Variants in CIB3 observed in about 807,000 individuals in gnomAD.
CIB3 encodes calcium and integrin binding family member 3.
In CIB3, 22 loss-of-function variants were observed where a neutral mutation model predicts 23.4. The observed-to-expected ratio is 0.94, with a 90% CI of 0.67 to 1.34. The LOEUF is 1.34. Ranked by LOEUF, CIB3 falls within the 40% of genes most tolerant of loss-of-function variation. The pLI, the probability that CIB3 is intolerant of heterozygous loss-of-function variation, is 0.00. For missense variants in CIB3, 258 were observed against 247.3 expected (o/e 1.04, Z -0.29); for synonymous variants, 93 against 95.8 (o/e 0.97, Z 0.17).
rs371503690 is a variant in CIB3, at chr19:16,168,336, G to A, written c.199-52C>T. ...CCATCCTCTGACCCCCAAGGTCTCT[G>A]GGGTCCATGTGGTCTCACTATCAGC... On this transcript the variant is annotated intron_variant, in intron 3 of 5. Coordinates refer to ENST00000269878, the MANE Select transcript of CIB3 (RefSeq NM_054113.4). 5 of 1,603,200 alleles carry A rather than the reference G, an allele frequency of 3.1e-6. No homozygotes were observed. In the African/African-American group the frequency reaches 6.7e-5, roughly 21 times the overall value.
intron 4 of CIB3, among the ~76,000 whole-genome samples, chr19:16,167,489 G>T (rs2091310570): frequency 6.6e-6 from 1 of 152,066 alleles, no homozygotes; most frequent in Non-Finnish European, 1.5e-5. Context: ...GTGGGATGGG[G>T]GGATGAATGG....
At chr19:16,168,344 TGTG>T in intron 3 of CIB3, 60 bp from the exon 4 acceptor site, 1 of 1,594,468 alleles carries the variant, frequency 6.3e-7, no homozygotes, top group Non-Finnish European at 8.5e-7. Flanking sequence ...CTGGGGTCCA[TGTG>T]GTCTCACTAT....
intron 2 of CIB3, 109 bp downstream of exon 2, chr19:16,173,053 C>CACAA (rs1166957799): frequency 9.0e-7 from 1 of 1,110,662 alleles, no homozygotes; most frequent in East Asian, 2.4e-5. Flanking sequence ...CACACACACA[C>CACAA]ACACACACAC....
chr19:16,170,122 C>T (rs1242495142), intron 2 of CIB3, among the ~76,000 whole-genome samples: 1 of 152,078 alleles, frequency 6.6e-6, no homozygotes, highest in Non-Finnish European at 1.5e-5. Context: ...TTCACATTCA[C>T]AGCTGCTCAC....
At chr19:16,168,102 C>T (rs746897887) in intron 4 of CIB3, 35 bp downstream of exon 4, 20 of 903,584 alleles carry the variant, frequency 2.2e-5, no homozygotes, top group South Asian at 2.1e-4. Flanking sequence ...CCCACCCCAT[C>T]CCCATGCTTC....
At chr19:16,168,720 G>A (rs2091315994) in intron 3 of CIB3, among the ~76,000 whole-genome samples, 2 of 152,242 alleles carry the variant, frequency 1.3e-5, no homozygotes, top group South Asian at 4.1e-4. Flanking sequence ...AAGAGGTGAG[G>A]CTGCCTTAGA....
At chr19:16,165,625 G>C (rs1412712088) in intron 4 of CIB3, among the ~76,000 whole-genome samples, 1 of 151,914 alleles carries the variant, frequency 6.6e-6, no homozygotes, top group African/African-American at 2.4e-5. Flanking sequence ...TGTGTTTTTA[G>C]TAGAGATGGG....
In CIB3 at chr19:16,173,477, G is replaced by A. The variant is rs78608985; in HGVS notation, c.-2C>T. On this transcript the variant is annotated 5_prime_UTR_variant, in exon 1 of 6. Transcript: ENST00000269878. ...GAAGACTGTCTGCTTGTTGCCCATG[G>A]TGTGAACCACAGCCCAGACTTGGGG... 4 of 1,613,806 alleles carry A rather than the reference G, an allele frequency of 2.5e-6. No homozygotes were observed. The Admixed American group carries it at 5.0e-5, about 20-fold the overall frequency.
At position 16,161,447 on chromosome 19, in the gene CIB3, G is replaced by A. The variant is rs759646559; in HGVS notation, c.*18C>T. 100 of 1,613,800 alleles carry A rather than the reference G, an allele frequency of 6.2e-5. No homozygotes were observed. The highest frequency in any genetic ancestry group is 8.0e-5 in the Non-Finnish European group (94 of 1,179,894). ...GGGTCACCCCGCCCTCCTATAGCTC[G>A]GCTCCTCTGTGGTGCCATCAGATTC... On this transcript the variant is annotated 3_prime_UTR_variant, in exon 6 of 6. Coordinates refer to ENST00000269878, the MANE Select transcript of CIB3 (RefSeq NM_054113.4).
chr19:16,169,826 G>A (rs1041085549), intron 2 of CIB3, 85 bp from the exon 3 acceptor site: 27 of 1,122,910 alleles, frequency 2.4e-5, no homozygotes, highest in Non-Finnish European at 2.5e-6. Context: ...TTGAGACAGA[G>A]TCTCGGTCTG....
chr19:16,166,632 ACT>A (rs2091306787), intron 4 of CIB3, among the ~76,000 whole-genome samples: 1 of 151,518 alleles, frequency 6.6e-6, no homozygotes, highest in Non-Finnish European at 1.5e-5. Context: ...GGGCACCATA[ACT>A]CTTTTATTCA....
chr19:16,164,765 G>A lies in CIB3; in HGVS notation c.495C>T (p.Ser165=). ...GGATCATGTTCTGGAAATCTTCCAG[G>A]GACAGCCGCCCATCATGGTCTCCAT... ...EADGDHDGRL[S]LEDFQNMILR... The change falls in exon 5 of 6, where the codon TCC becomes TCT. Residue 165 remains serine, a synonymous_variant. Transcript: ENST00000269878. The A allele has an allele frequency of 3.1e-6, 5 of 1,613,994 alleles. No individual in the cohort carries two copies. The highest frequency in any genetic ancestry group is 4.2e-6 in the Non-Finnish European group (5 of 1,179,972).
intron 4 of CIB3, among the ~76,000 whole-genome samples, chr19:16,167,771 G>T (rs2091311777): frequency 6.6e-6 from 1 of 152,180 alleles, no homozygotes; most frequent in Non-Finnish European, 1.5e-5. Flanking sequence ...GGCGGAGACT[G>T]CAGTAAGCCA....
At chr19:16,168,101 T>TA in intron 4 of CIB3, 36 bp downstream of exon 4, 1 of 665,004 alleles carries the variant, frequency 1.5e-6, no homozygotes, top group Non-Finnish European at 2.6e-6. Flanking sequence ...CCCCACCCCA[T>TA]CCCCATGCTT....
Position 16,161,494 on chromosome 19 carries a change from CAG to C in CIB3, c.543-10_543-9del. The C allele has an allele frequency of 6.2e-7, 1 of 1,613,828 alleles. No individual in the cohort carries two copies. The highest frequency in any genetic ancestry group is 8.5e-7 in the Non-Finnish European group (1 of 1,179,914). On this transcript the variant is annotated splice_polypyrimidine_tract_variant and intron_variant, in intron 5 of 5. Coordinates refer to ENST00000269878, the MANE Select transcript of CIB3 (RefSeq NM_054113.4). ...ATTCGGATGTGGAAGGTGCTGTGTG[CAG>C]AGAGAAAAGGAGTCAAGGCCTTCAA...
intron 2 of CIB3, among the ~76,000 whole-genome samples, chr19:16,172,542 G>A: frequency 6.6e-6 from 1 of 152,184 alleles, no homozygotes; most frequent in Non-Finnish European, 1.5e-5. Context: ...GAAAGCCCAA[G>A]CTCATCAGCC....
chr19:16,168,081 A>T, intron 4 of CIB3, 56 bp downstream of exon 4: 1 of 1,393,548 alleles, frequency 7.2e-7, no homozygotes, highest in Non-Finnish European at 9.8e-7. Flanking sequence ...CCACCCACCC[A>T]GTTCCCACTC....
At chr19:16,169,585 A>C (rs1204346198) in intron 3 of CIB3, 45 bp downstream of exon 3, 11 of 1,533,380 alleles carry the variant, frequency 7.2e-6, no homozygotes, top group Non-Finnish European at 8.9e-7. Context: ...AACGAGAGAC[A>C]TCTCTACTAT....
chr19:16,172,060 C>T (rs1016215200), intron 2 of CIB3, among the ~76,000 whole-genome samples: 1 of 152,250 alleles, frequency 6.6e-6, no homozygotes, highest in Non-Finnish European at 1.5e-5. Context: ...CCTCCTCACA[C>T]CCTCATCTTA....
Sources: allele counts gnomAD v4.1 joint callset (sites outside exome capture counted in the v4.1 genomes callset), GRCh38; gene constraint gnomAD v4.1.1; transcripts MANE v1.5; gene names NCBI Gene and HGNC (gene_info 2026-07-23, HGNC 2026-07-21).